LRRC1: variants seen among roughly 807,000 people sequenced by gnomAD.
LRRC1 encodes leucine rich repeat containing 1, also known as leucine-rich repeat-containing protein 1.
Under a neutral mutation model 69.9 loss-of-function variants are expected in LRRC1, and 28 were observed. That is an observed-to-expected ratio of 0.40 (90% CI 0.30 to 0.55). The LOEUF is 0.55. Among genes scored for constraint, LRRC1 ranks in the 20% least tolerant of loss-of-function variants. The pLI, the probability that LRRC1 is intolerant of heterozygous loss-of-function variation, is 0.47. For synonymous variants in LRRC1, 236 were observed against 240.2 expected (o/e 0.98, Z 0.16); for missense variants, 498 against 609.0 (o/e 0.82, Z 1.92).
chr6:53,883,187 A>G (rs143556798), intron 4 of LRRC1, among the ~76,000 whole-genome samples: 105 of 152,328 alleles, frequency 6.9e-4, no homozygotes, highest in Middle Eastern at 3.4e-3. Context: ...GGGTACTGCT[A>G]CTTGTTACTA....
At chr6:53,841,329 T>G (rs183546392) in intron 1 of LRRC1, among the ~76,000 whole-genome samples, 1 of 152,346 alleles carries the variant, frequency 6.6e-6, no homozygotes, top group East Asian at 1.9e-4. Flanking sequence ...GGACCTAGTT[T>G]CTTATTGGCT....
chr6:53,861,172 A>T (rs957918597), intron 2 of LRRC1, among the ~76,000 whole-genome samples: 1 of 152,058 alleles, frequency 6.6e-6, no homozygotes, highest in South Asian at 2.1e-4. Flanking sequence ...AACCTAAAAT[A>T]GAAGTTAAAA....
At chr6:53,879,147 G>T in intron 3 of LRRC1, 76 bp downstream of exon 3, 1 of 979,216 alleles carries the variant, frequency 1.0e-6, no homozygotes, top group Non-Finnish European at 1.6e-6. Context: ...AACACAGTCA[G>T]GTTAACCATC....
chr6:53,876,228 T>C (rs537298759), intron 2 of LRRC1, among the ~76,000 whole-genome samples: 11 of 152,242 alleles, frequency 7.2e-5, no homozygotes, highest in African/African-American at 2.6e-4. Flanking sequence ...TTATAATAAC[T>C]ATCAGATCTT....
At position 53,923,132 on chromosome 6, in the gene LRRC1, G is replaced by T. The variant is rs1376206730; in HGVS notation, c.*339G>T. On this transcript the variant is annotated 3_prime_UTR_variant, in exon 14 of 14. Coordinates refer to ENST00000370888, the MANE Select transcript of LRRC1 (RefSeq NM_018214.5). The stretch of plus-strand genomic sequence containing the variant: ...TTTATCCTCCTCCCTTCCGTAAAGT[G>T]CTGGGATATTTTGAATCCCCCAAGT... 1.6e-5 allele frequency: 3 copies of T among 186,062 alleles called. No individual in the cohort carries two copies. In the East Asian group the frequency reaches 3.9e-4, roughly 24 times the overall value. 11.5% of individuals were successfully genotyped at this position (186,062 alleles called of 1,614,324 possible). A position where few individuals can be genotyped will look rare whatever the true frequency, so the allele number is the denominator to read the frequency against.
chr6:53,799,230 C>T (rs1219660544), intron 1 of LRRC1, among the ~76,000 whole-genome samples: 2 of 152,226 alleles, frequency 1.3e-5, no homozygotes, highest in Non-Finnish European at 2.9e-5. Context: ...CATTCTTTCT[C>T]ATATTCTGCT....
At chr6:53,893,004 A>G (rs1465074037) in intron 4 of LRRC1, among the ~76,000 whole-genome samples, 1 of 152,224 alleles carries the variant, frequency 6.6e-6, no homozygotes, top group Non-Finnish European at 1.5e-5. Context: ...GATGAGTTAA[A>G]AATTGGCCAA....
At chr6:53,913,345 C>A (rs1416939072) in intron 10 of LRRC1, among the ~76,000 whole-genome samples, 1 of 151,166 alleles carries the variant, frequency 6.6e-6, no homozygotes, top group African/African-American at 2.4e-5. Context: ...CTGTAAGATA[C>A]CCCTCTTTTT....
intron 1 of LRRC1, among the ~76,000 whole-genome samples, chr6:53,824,249 G>A (rs1443539495): frequency 6.6e-6 from 1 of 151,766 alleles, no homozygotes; most frequent in East Asian, 1.9e-4. Context: ...GATCAGTGAT[G>A]CTGAGCTTTT....
intron 10 of LRRC1, among the ~76,000 whole-genome samples, chr6:53,906,742 A>G (rs1332811782): frequency 6.6e-6 from 1 of 152,204 alleles, no homozygotes; most frequent in Non-Finnish European, 1.5e-5. Flanking sequence ...CGTTTTAGTC[A>G]TATTTTGTCC....
At chr6:53,846,324 A>G (rs996809738) in intron 2 of LRRC1, among the ~76,000 whole-genome samples, 2 of 152,026 alleles carry the variant, frequency 1.3e-5, no homozygotes, top group African/African-American at 4.8e-5. Flanking sequence ...GGATTTATTT[A>G]TTTTTTTTCT....
At chr6:53,824,839 A>C (rs1765212864) in intron 1 of LRRC1, among the ~76,000 whole-genome samples, 1 of 152,212 alleles carries the variant, frequency 6.6e-6, no homozygotes, top group East Asian at 1.9e-4. Flanking sequence ...CCAGTTTTTC[A>C]GTTCCTTTGA....
chr6:53,841,443 C>T (rs189586030), intron 1 of LRRC1, among the ~76,000 whole-genome samples: 6 of 152,166 alleles, frequency 3.9e-5, no homozygotes, highest in East Asian at 1.9e-4. Flanking sequence ...ATATCTAGTT[C>T]GCTTTTTGTA....
intron 11 of LRRC1, among the ~76,000 whole-genome samples, chr6:53,916,668 A>T (rs1199678186): frequency 6.6e-6 from 1 of 152,190 alleles, no homozygotes; most frequent in African/African-American, 2.4e-5. Context: ...CCCAATTTAT[A>T]TATATTTTTA....
intron 9 of LRRC1, among the ~76,000 whole-genome samples, chr6:53,903,696 G>C (rs1441160302): frequency 2.6e-5 from 4 of 152,208 alleles, no homozygotes. Flanking sequence ...GGGGAGCCCA[G>C]CAGCCCCTCT....
chr6:53,852,992 G>A (rs911993143), intron 2 of LRRC1, among the ~76,000 whole-genome samples: 1 of 152,206 alleles, frequency 6.6e-6, no homozygotes, highest in African/African-American at 2.4e-5. Context: ...AGCGTCTCAT[G>A]AATACTTGTT....
chr6:53,913,125 A>G (rs574575725), intron 10 of LRRC1, among the ~76,000 whole-genome samples: 2 of 152,282 alleles, frequency 1.3e-5, no homozygotes, highest in East Asian at 1.9e-4. Context: ...AAAAATGGTA[A>G]TCAAATTTGG....
intron 11 of LRRC1, among the ~76,000 whole-genome samples, chr6:53,914,771 T>C (rs1365749266): frequency 1.3e-5 from 2 of 152,216 alleles, no homozygotes; most frequent in East Asian, 1.9e-4. Context: ...ACTCAAGCTT[T>C]ATTTTCTCCA....
At chr6:53,848,762 C>CTT (rs111478096) in intron 2 of LRRC1, among the ~76,000 whole-genome samples, 11 of 149,924 alleles carry the variant, frequency 7.3e-5, no homozygotes, top group South Asian at 2.1e-4. Context: ...TTCTTTTACT[C>CTT]TTTTTTTTTT....
Sources: allele counts gnomAD v4.1 joint callset (sites outside exome capture counted in the v4.1 genomes callset), GRCh38; gene constraint gnomAD v4.1.1; transcripts MANE v1.5; gene names NCBI Gene and HGNC (gene_info 2026-07-23, HGNC 2026-07-21).